Variants in RGS6 observed in about 807,000 individuals in gnomAD.
RGS6 encodes the protein regulator of G-protein signaling 6.
Under a neutral mutation model 78.5 loss-of-function variants are expected in RGS6, and 30 were observed. The ratio of observed to expected loss-of-function variants is 0.38; its 90% CI spans 0.29 to 0.52. The LOEUF is 0.52. Ranked by LOEUF, RGS6 falls within the 20% of genes least tolerant of loss-of-function variation. RGS6 has a pLI of 0.85. For missense variants in RGS6, 495 were observed against 609.7 expected, an observed-to-expected ratio of 0.81 and a Z score of 1.98; for synonymous variants, 206 against 206.0, an observed-to-expected ratio of 1.00 and a Z score of 0.00.
intron 2 of RGS6, among the ~76,000 whole-genome samples, chr14:72,059,649 C>T (rs986337868): frequency 1.3e-5 from 2 of 152,038 alleles, no homozygotes; most frequent in Non-Finnish European, 2.9e-5. Context: ...ATGTTGAAGC[C>T]CTAACCCCCA....
intron 2 of RGS6, among the ~76,000 whole-genome samples, chr14:71,981,459 T>A (rs1283439150): frequency 6.6e-6 from 1 of 152,142 alleles, no homozygotes; most frequent in Non-Finnish European, 1.5e-5. Flanking sequence ...CCTTTCTGTT[T>A]GTTAGTTTTC....
intron 2 of RGS6, among the ~76,000 whole-genome samples, chr14:72,126,897 A>G (rs1351268865): frequency 6.6e-6 from 1 of 151,884 alleles, no homozygotes; most frequent in African/African-American, 2.4e-5. Flanking sequence ...CTCATCCCCA[A>G]CTCCACATCC....
intron 4 of RGS6, among the ~76,000 whole-genome samples, chr14:72,454,909 C>A (rs1474542551): frequency 2.0e-5 from 3 of 152,194 alleles, no homozygotes; most frequent in Non-Finnish European, 4.4e-5. Context: ...CTAGAGCCAG[C>A]TCTTAAAATT....
At chr14:72,549,385 G>T (rs1348284953) in intron 17 of RGS6, among the ~76,000 whole-genome samples, 1 of 152,178 alleles carries the variant, frequency 6.6e-6, no homozygotes, top group Admixed American at 6.5e-5. Flanking sequence ...ATCGTGCAGT[G>T]AGCCCCAGCA....
chr14:72,369,521 A>G (rs2083058212), intron 3 of RGS6, among the ~76,000 whole-genome samples: 1 of 152,240 alleles, frequency 6.6e-6, no homozygotes, highest in South Asian at 2.1e-4. Context: ...TACACTAAGC[A>G]CATTATAGTT....
chr14:72,243,451 G>T (rs1291752118), intron 2 of RGS6, among the ~76,000 whole-genome samples: 1 of 151,248 alleles, frequency 6.6e-6, no homozygotes, highest in Non-Finnish European at 1.5e-5. Flanking sequence ...GTGAGAAAAT[G>T]GGTTACATAC....
At chr14:72,437,133 C>T (rs2094952027) in intron 3 of RGS6, among the ~76,000 whole-genome samples, 1 of 141,080 alleles carries the variant, frequency 7.1e-6, no homozygotes, top group Non-Finnish European at 1.5e-5. Context: ...ACCAGCTTGG[C>T]CATCATGGTG....
the RGS6 span, among the ~76,000 whole-genome samples, chr14:71,922,898 C>G: frequency 2.5e-4 from 36 of 142,212 alleles, no homozygotes; most frequent in Admixed American, 4.2e-4. Context: ...AAAAAAGGAA[C>G]CTAGATGCTA....
intron 2 of RGS6, among the ~76,000 whole-genome samples, chr14:72,067,401 G>A (rs986993242): frequency 1.3e-5 from 2 of 152,140 alleles, no homozygotes; most frequent in East Asian, 3.9e-4. Flanking sequence ...GATGGGTGCA[G>A]CAAAACGCCC....
intron 2 of RGS6, among the ~76,000 whole-genome samples, chr14:72,133,735 T>C (rs115906921): frequency 1.1e-3 from 167 of 152,250 alleles, no homozygotes; most frequent in African/African-American, 4.0e-3. Context: ...TGAATGTGCC[T>C]GGCTGCTCTG....
intron 2 of RGS6, among the ~76,000 whole-genome samples, chr14:72,114,579 C>A (rs891968000): frequency 1.3e-5 from 2 of 152,198 alleles, no homozygotes; most frequent in African/African-American, 4.8e-5. Context: ...AGTATGCCAG[C>A]ATTGCTGTAT....
chr14:72,388,271 C>CAT (rs1206983807), intron 3 of RGS6, among the ~76,000 whole-genome samples: 2 of 152,080 alleles, frequency 1.3e-5, no homozygotes. Context: ...CACATATACA[C>CAT]ATATATATAC....
intron 2 of RGS6, among the ~76,000 whole-genome samples, chr14:72,244,007 A>G (rs2053587745): frequency 6.6e-6 from 1 of 152,188 alleles, no homozygotes; most frequent in Non-Finnish European, 1.5e-5. Context: ...CTAATTATGT[A>G]TAGAAGATAG....
At chr14:72,382,457 G>T (rs1236974237) in intron 3 of RGS6, among the ~76,000 whole-genome samples, 1 of 152,216 alleles carries the variant, frequency 6.6e-6, no homozygotes, top group Admixed American at 6.5e-5. Context: ...GTATGCACAA[G>T]TGTGTGGAAC....
In RGS6 at chr14:71,969,802, A is replaced by C. The variant is rs574500021; in HGVS notation, c.84+4927A>C. Among the ~76,000 whole-genome samples, 5 of 152,348 alleles carry C rather than the reference A, an allele frequency of 3.3e-5. No individual in the cohort carries two copies. The East Asian group carries it at 7.7e-4, about 23-fold the overall frequency. On this transcript the variant is annotated intron_variant, in intron 2 of 17. Transcript: ENST00000553525. ...TCTGTAAAGGGAGGAAATTGGTCTA[A>C]AAATGTACAAATACCTTTCTGCAAT...
At chr14:72,450,917 A>G (rs567606503) in intron 3 of RGS6, among the ~76,000 whole-genome samples, 48 of 152,348 alleles carry the variant, frequency 3.2e-4, no homozygotes, top group South Asian at 2.3e-3. Flanking sequence ...AGGACGCGAT[A>G]TTATGACAGA....
intron 2 of RGS6, among the ~76,000 whole-genome samples, chr14:72,124,623 C>A (rs1295085655): frequency 6.6e-6 from 1 of 152,084 alleles, no homozygotes; most frequent in Non-Finnish European, 1.5e-5. Flanking sequence ...AATCTAGATT[C>A]TTTAAAATAA....
intron 2 of RGS6, among the ~76,000 whole-genome samples, chr14:72,141,987 T>C (rs1410116282): frequency 6.6e-6 from 1 of 152,062 alleles, no homozygotes; most frequent in Admixed American, 6.6e-5. Flanking sequence ...TAACTTCTAC[T>C]CCAGTGACCC....
chr14:72,171,214 G>A (rs531068741), intron 2 of RGS6, among the ~76,000 whole-genome samples: 16 of 152,134 alleles, frequency 1.1e-4, no homozygotes, highest in South Asian at 2.1e-4. Flanking sequence ...GCATGCATGC[G>A]TACATATGCA....
Sources: allele counts gnomAD v4.1 joint callset (sites outside exome capture counted in the v4.1 genomes callset), GRCh38; gene constraint gnomAD v4.1.1; transcripts MANE v1.5; gene names NCBI Gene and HGNC (gene_info 2026-07-23, HGNC 2026-07-21).